Variants in COL5A2 observed in about 807,000 individuals in gnomAD.
COL5A2 encodes collagen type V alpha 2 chain.
Under a neutral mutation model 208.2 loss-of-function variants are expected in COL5A2, and 23 were observed. That is an observed-to-expected ratio of 0.11 (90% CI 0.08 to 0.16). The LOEUF is 0.16. Ranked by LOEUF, COL5A2 falls within the 10% of genes least tolerant of loss-of-function variation. COL5A2 has a pLI of 1.00. For missense variants in COL5A2, 1,590 were observed against 1,956.4 expected (o/e 0.81, Z 3.53); for synonymous variants, 625 against 628.5 (o/e 0.99, Z 0.08).
chr2:189,377,346 G>A, the COL5A2 span, among the ~76,000 whole-genome samples: 65 of 152,242 alleles, frequency 4.3e-4, no homozygotes, highest in African/African-American at 1.4e-3. Flanking sequence ...TTTCACGCCT[G>A]TATTACTGGA....
chr2:189,215,798 T>C, intron 1 of COL5A2, among the ~76,000 whole-genome samples: 1 of 152,158 alleles, frequency 6.6e-6, no homozygotes, highest in Non-Finnish European at 1.5e-5. Context: ...ATTCTACCTC[T>C]TTCGCCTATT....
intron 1 of COL5A2, among the ~76,000 whole-genome samples, chr2:189,136,565 T>C (rs1007011337): frequency 6.6e-6 from 1 of 150,852 alleles, no homozygotes; most frequent in Non-Finnish European, 1.5e-5. Flanking sequence ...GGAGAAATCT[T>C]GTGTTTGTAT....
the COL5A2 span, among the ~76,000 whole-genome samples, chr2:189,416,207 C>T: frequency 6.6e-6 from 1 of 152,194 alleles, no homozygotes; most frequent in Non-Finnish European, 1.5e-5. Flanking sequence ...CATCCCATTA[C>T]TGGGTATATA....
chr2:189,296,271 TTC>T, the COL5A2 span, among the ~76,000 whole-genome samples: 1 of 152,204 alleles, frequency 6.6e-6, no homozygotes, highest in Non-Finnish European at 1.5e-5. Flanking sequence ...ATTCTAGGAC[TTC>T]TGTTGGTTTT....
rs1476791697 is a variant in COL5A2, at chr2:189,085,145, G to C, written c.798+15C>G. 1 of 1,609,298 alleles carries C rather than the reference G, an allele frequency of 6.2e-7. No individual in the cohort carries two copies. ...TCTTCAAAACCTGAATGGAAAATGA[G>C]GAAAGGTAGCTTACATCTTCCCCAG... is the stretch of plus-strand genomic sequence containing the variant. On this transcript the variant is annotated intron_variant, in intron 11 of 53. Transcript: ENST00000374866.
the COL5A2 span, among the ~76,000 whole-genome samples, chr2:189,319,776 C>T: frequency 2.0e-5 from 3 of 152,246 alleles, no homozygotes; most frequent in Non-Finnish European, 2.9e-5. Flanking sequence ...GAAACCTCTG[C>T]AGACTTAAAT....
Position 189,119,022 on chromosome 2 carries a change from C to T in COL5A2, c.98-8573G>A, listed in dbSNP as rs186119227. On this transcript the variant is annotated intron_variant, in intron 1 of 53. Coordinates refer to ENST00000374866, the MANE Select transcript of COL5A2 (RefSeq NM_000393.5). ...TATTTAGTTTATCCCTTATAATGTG[C>T]ATAATTGCATGGAAGCCAATTTATT... Among the ~76,000 whole-genome samples, 9 of 152,106 alleles carry T rather than the reference C, an allele frequency of 5.9e-5. No homozygotes were observed. The East Asian group carries it at 1.5e-3, about 26-fold the overall frequency.
the COL5A2 span, among the ~76,000 whole-genome samples, chr2:189,342,037 C>G: frequency 2.6e-5 from 4 of 152,004 alleles, no homozygotes; most frequent in African/African-American, 9.7e-5. Context: ...ATTTTATTCT[C>G]AGCTACTTTC....
At chr2:189,159,212 G>A (rs1035325741) in intron 1 of COL5A2, among the ~76,000 whole-genome samples, 2 of 152,078 alleles carry the variant, frequency 1.3e-5, no homozygotes, top group Admixed American at 1.3e-4. Context: ...AAAATATTTG[G>A]TTCAGATGTG....
At chr2:189,066,313 GTTTTCCTTAC>G in intron 23 of COL5A2, 67 bp downstream of exon 23, 2 of 1,334,600 alleles carry the variant, frequency 1.5e-6, no homozygotes, top group Non-Finnish European at 2.2e-6. Context: ...AACTGTTCTA[GTTTTCCTTAC>G]TGTTCTCAGA....
intron 1 of COL5A2, among the ~76,000 whole-genome samples, chr2:189,166,981 T>C (rs1198016510): frequency 6.6e-6 from 1 of 152,114 alleles, no homozygotes; most frequent in African/African-American, 2.4e-5. Context: ...AAAGAAAATC[T>C]GGGAAAAAGA....
chr2:189,047,309 T>G (rs1340287754), intron 45 of COL5A2, among the ~76,000 whole-genome samples: 1 of 152,134 alleles, frequency 6.6e-6, no homozygotes, highest in Non-Finnish European at 1.5e-5. Flanking sequence ...TAGTATATAT[T>G]GACAAAGGAA....
chr2:189,221,877 T>C (rs955248077), intron 1 of COL5A2, among the ~76,000 whole-genome samples: 1 of 152,184 alleles, frequency 6.6e-6, no homozygotes, highest in Non-Finnish European at 1.5e-5. Flanking sequence ...AACCCCACTA[T>C]AACTGCATTT....
At chr2:189,380,453 G>A in the COL5A2 span, among the ~76,000 whole-genome samples, 1 of 151,648 alleles carries the variant, frequency 6.6e-6, no homozygotes, top group African/African-American at 2.4e-5. Flanking sequence ...ATCAAAAAAT[G>A]AGAAAAAATA....
intron 1 of COL5A2, among the ~76,000 whole-genome samples, chr2:189,205,448 C>T (rs895851337): frequency 1.3e-5 from 2 of 152,174 alleles, no homozygotes; most frequent in Admixed American, 6.5e-5. Context: ...TGTGAGGTTA[C>T]TTTTCTAAAC....
chr2:189,046,815 G>GAAAAAAAAA (rs112684457), intron 45 of COL5A2, among the ~76,000 whole-genome samples: 1 of 136,074 alleles, frequency 7.3e-6, no homozygotes, highest in Admixed American at 7.5e-5. Flanking sequence ...TCAAGGTTTT[G>GAAAAAAAAA]AAAAAAAAAA....
rs116497614 is a variant in COL5A2, at chr2:189,049,619, C to T, written c.3040-165G>A. Among the ~76,000 whole-genome samples the T allele has an allele frequency of 0.017, 2,613 of 152,174 alleles. 64 individuals carry two copies. The highest frequency in any genetic ancestry group is 0.06 in the African/African-American group (2,496 of 41,504). ...TCATAATGCTTTCTTAGAGGCCTGC[C>T]CACCTCCTATCAGACTCCTCTTGAC... On this transcript the variant is annotated intron_variant, in intron 43 of 53. Transcript: ENST00000374866.
the COL5A2 span, among the ~76,000 whole-genome samples, chr2:189,317,945 T>C: frequency 8.5e-5 from 13 of 152,188 alleles, no homozygotes; most frequent in African/African-American, 2.9e-4. Context: ...TTTAATGAAA[T>C]AAAAATGTAA....
At chr2:189,313,452 T>C in the COL5A2 span, among the ~76,000 whole-genome samples, 8 of 152,064 alleles carry the variant, frequency 5.3e-5, no homozygotes, top group African/African-American at 1.9e-4. Flanking sequence ...GCAATAAATA[T>C]GAAAAGTAAA....
Sources: gnomAD v4.1 joint callset for allele counts (sites outside exome capture counted in the v4.1 genomes callset) on GRCh38, gnomAD v4.1.1 for gene constraint, MANE v1.5 for transcripts, NCBI Gene and HGNC (gene_info 2026-07-23, HGNC 2026-07-21) for gene names.